The following SMAD3 variants were observed in gnomAD, a reference collection of about 807,000 sequenced individuals.
SMAD3 encodes the protein MAD homolog 3.
Under a neutral mutation model 51.8 loss-of-function variants are expected in SMAD3, and 12 were observed. The ratio of observed to expected loss-of-function variants is 0.23; its 90% CI spans 0.15 to 0.38. SMAD3 has a LOEUF of 0.38. SMAD3 is among the 10% of genes least tolerant of loss of function. The pLI, the probability that SMAD3 is intolerant of heterozygous loss-of-function variation, is 1.00. For missense variants in SMAD3, 294 were observed against 565.6 expected, an observed-to-expected ratio of 0.52 and a Z score of 4.87; for synonymous variants, 238 against 227.7, an observed-to-expected ratio of 1.05 and a Z score of -0.41.
intron 6 of SMAD3, among the ~76,000 whole-genome samples, chr15:67,183,292 C>G (rs1963136153): frequency 6.6e-6 from 1 of 151,808 alleles, no homozygotes; most frequent in Admixed American, 6.6e-5. Flanking sequence ...GATCTGCCCG[C>G]CTCAGCCTCC....
intron 1 of SMAD3, among the ~76,000 whole-genome samples, chr15:67,078,812 A>G (rs959818746): frequency 6.6e-6 from 1 of 152,286 alleles, no homozygotes; most frequent in South Asian, 2.1e-4. Flanking sequence ...GACTGTGGAC[A>G]TGTTGTTTAA....
intron 4 of SMAD3, 138 bp downstream of exon 4, chr15:67,166,991 G>A (rs1962610529): frequency 4.0e-6 from 3 of 754,518 alleles, no homozygotes; most frequent in Non-Finnish European, 7.0e-6. Flanking sequence ...ACCGCGATGT[G>A]CAAGGGGCAG....
chr15:67,156,876 A>G lies in SMAD3; in HGVS notation c.207-8019A>G, dbSNP rs372737539. Among the ~76,000 whole-genome samples the G allele has an allele frequency of 1.5e-3, 228 of 152,330 alleles. 1 individual carries two copies. The highest frequency in any genetic ancestry group is 2.7e-3 in the South Asian group (13 of 4,826). On this transcript the variant is annotated intron_variant, in intron 1 of 8. Transcript: ENST00000327367. The stretch of plus-strand genomic sequence containing the variant: ...TACGAGAGGACAGGCAGAGACATAC[A>G]ATGGCAGTCTGTCCCTTCTGCTCAC...
In SMAD3 at chr15:67,194,795, G is replaced by A. The variant is rs922488595; in HGVS notation, c.*4259G>A. On this transcript the variant is annotated 3_prime_UTR_variant, in exon 9 of 9. Coordinates refer to ENST00000327367, the MANE Select transcript of SMAD3 (RefSeq NM_005902.4). Reference sequence around the variant, plus strand: ...AGTCAAATCTGGGCCCTTCCACAAGGGTCCTCTGAACCAAGCCCCACTCCC... The same window carrying A: ...AGTCAAATCTGGGCCCTTCCACAAGAGTCCTCTGAACCAAGCCCCACTCCC... The A allele has an allele frequency of 4.3e-6, 1 of 232,318 alleles. No homozygotes were observed. Among genetic ancestry groups the A allele is most frequent in the African/African-American group, 2.2e-5 (1 of 45,238 alleles). 14.4% of individuals were successfully genotyped at this position (232,318 alleles called of 1,614,324 possible).
chr15:67,102,115 T>G (rs1193227242), intron 1 of SMAD3, among the ~76,000 whole-genome samples: 1 of 152,186 alleles, frequency 6.6e-6, no homozygotes, highest in Non-Finnish European at 1.5e-5. Context: ...CGGAAGTTCA[T>G]GGTTAAATTG....
At chr15:67,092,938 C>T (rs1269943984) in intron 1 of SMAD3, among the ~76,000 whole-genome samples, 2 of 152,152 alleles carry the variant, frequency 1.3e-5, no homozygotes, top group Non-Finnish European at 2.9e-5. Context: ...AAAATGGCCC[C>T]CATGCCCATC....
chr15:67,074,975 T>A (rs1256683749), intron 1 of SMAD3, among the ~76,000 whole-genome samples: 1 of 152,150 alleles, frequency 6.6e-6, no homozygotes, highest in Non-Finnish European at 1.5e-5. Flanking sequence ...AAGTGTTGCA[T>A]CACAAACTGC....
intron 1 of SMAD3, among the ~76,000 whole-genome samples, chr15:67,095,678 C>T (rs1430566854): frequency 6.6e-6 from 1 of 152,002 alleles, no homozygotes; most frequent in Non-Finnish European, 1.5e-5. Flanking sequence ...ATTACAGGCA[C>T]CTGCCACCAC....
At chr15:67,140,910 A>G (rs749121529) in intron 1 of SMAD3, among the ~76,000 whole-genome samples, 1 of 152,040 alleles carries the variant, frequency 6.6e-6, no homozygotes, top group Non-Finnish European at 1.5e-5. Flanking sequence ...GGCATCAGAC[A>G]GTAGCAACTT....
chr15:67,114,049 T>C (rs927227489), intron 1 of SMAD3, among the ~76,000 whole-genome samples: 1 of 152,138 alleles, frequency 6.6e-6, no homozygotes, highest in African/African-American at 2.4e-5. Context: ...TTTAGAAGTG[T>C]TTTCTTGCAT....
rs1279720000 is a variant in SMAD3, at chr15:67,194,656, G to A, written c.*4120G>A. The stretch of plus-strand genomic sequence containing the variant: ...AAGGACAGTGGCTGGAAGAGTTGGG[G>A]CACAGCCAGTTCTGAATGTTGGTGG... On this transcript the variant is annotated 3_prime_UTR_variant, in exon 9 of 9. Transcript: ENST00000327367. 3 of 231,746 alleles carry A rather than the reference G, an allele frequency of 1.3e-5. No individual in the cohort carries two copies. Among genetic ancestry groups the A allele is most frequent in the Non-Finnish European group, 2.6e-5 (3 of 117,040 alleles). 14.4% of individuals were successfully genotyped at this position (231,746 alleles called of 1,614,324 possible). A position where few individuals can be genotyped will look rare whatever the true frequency, so the allele number is the denominator to read the frequency against.
intron 7 of SMAD3, chr15:67,186,898 G>C (rs1263324770): frequency 1.1e-5 from 4 of 360,388 alleles, no homozygotes; most frequent in African/African-American, 8.5e-5. Flanking sequence ...CCGTCTCTGG[G>C]GGCACTGCCT....
chr15:67,102,414 T>C (rs1415405407), intron 1 of SMAD3, among the ~76,000 whole-genome samples: 1 of 152,214 alleles, frequency 6.6e-6, no homozygotes, highest in Non-Finnish European at 1.5e-5. Context: ...ATGCACTTGC[T>C]CAGAAATGTG....
intron 5 of SMAD3, among the ~76,000 whole-genome samples, chr15:67,178,933 G>A (rs1566998345): frequency 1.3e-5 from 2 of 152,236 alleles, no homozygotes; most frequent in East Asian, 1.9e-4. Flanking sequence ...GAGAGAAAAC[G>A]ACAAGAATGC....
rs113487026 is a variant in SMAD3, at chr15:67,176,803, T to G, written c.659-4438T>G. Reference sequence around the variant, plus strand: ...GTGGGGGAGGGGGATCCACAAAGGCTGGAGCTGGAGGTTCCTGCGTCTCCA... The same window carrying G: ...GTGGGGGAGGGGGATCCACAAAGGCGGGAGCTGGAGGTTCCTGCGTCTCCA... On this transcript the variant is annotated intron_variant, in intron 5 of 8. Coordinates refer to ENST00000327367, the MANE Select transcript of SMAD3 (RefSeq NM_005902.4). Among the ~76,000 whole-genome samples, 736 of 152,302 alleles carry G rather than the reference T, an allele frequency of 4.8e-3. 6 individuals carry two copies. Among genetic ancestry groups the G allele is most frequent in the African/African-American group, 0.017 (694 of 41,566 alleles).
At chr15:67,127,391 T>G (rs1323570229) in intron 1 of SMAD3, among the ~76,000 whole-genome samples, 1 of 152,122 alleles carries the variant, frequency 6.6e-6, no homozygotes, top group Non-Finnish European at 1.5e-5. Flanking sequence ...CCCATCTGAG[T>G]CCTGTTCCTC....
At chr15:67,106,624 G>A (rs1031518603) in intron 1 of SMAD3, among the ~76,000 whole-genome samples, 1 of 152,114 alleles carries the variant, frequency 6.6e-6, no homozygotes, top group South Asian at 2.1e-4. Flanking sequence ...GCTATGCTCA[G>A]GACCCAGATC....
chr15:67,082,001 C>T (rs1960289449), intron 1 of SMAD3, among the ~76,000 whole-genome samples: 3 of 151,950 alleles, frequency 2.0e-5, no homozygotes, highest in African/African-American at 7.3e-5. Context: ...TACTTAGGCA[C>T]CAACTTACTG....
At chr15:67,096,942 T>C (rs1220106152) in intron 1 of SMAD3, among the ~76,000 whole-genome samples, 2 of 152,198 alleles carry the variant, frequency 1.3e-5, no homozygotes, top group Non-Finnish European at 2.9e-5. Context: ...CATACTCTTG[T>C]TGAAGGTGCT....
Sources: gnomAD v4.1 joint callset for allele counts (sites outside exome capture counted in the v4.1 genomes callset) on GRCh38, gnomAD v4.1.1 for gene constraint, MANE v1.5 for transcripts, NCBI Gene and HGNC (gene_info 2026-07-23, HGNC 2026-07-21) for gene names.